GIGYF2: variants seen among roughly 807,000 people sequenced by gnomAD.
The protein encoded by GIGYF2 is GRB10-interacting GYF protein 2.
Under a neutral mutation model 208.1 loss-of-function variants are expected in GIGYF2, and 25 were observed. That is an observed-to-expected ratio of 0.12 (90% CI 0.09 to 0.17). The LOEUF (loss-of-function observed/expected upper bound fraction) is 0.17, where lower values mean the gene tolerates loss of function less well. Ranked by LOEUF, GIGYF2 falls within the 10% of genes least tolerant of loss-of-function variation. The probability of loss-of-function intolerance (pLI) is 1.00; values close to 1 mark genes in which losing one functional copy is unlikely to be tolerated. For synonymous variants in GIGYF2, 534 were observed against 543.8 expected (o/e 0.98, Z 0.25); for missense variants, 1,302 against 1,579.4 (o/e 0.82, Z 2.98).
At chr2:232,738,174 C>G (rs1399180265) in intron 3 of GIGYF2, among the ~76,000 whole-genome samples, 1 of 152,092 alleles carries the variant, frequency 6.6e-6, no homozygotes, top group African/African-American at 2.4e-5. Flanking sequence ...ACCTTGTCCT[C>G]CCAAAGTGCT....
intron 2 of GIGYF2, among the ~76,000 whole-genome samples, chr2:232,717,474 C>T (rs1696740665): frequency 6.6e-6 from 1 of 152,174 alleles, no homozygotes; most frequent in African/African-American, 2.4e-5. Context: ...CTCCAATTCC[C>T]TCTCCTTCCT....
Position 232,836,278 on chromosome 2 carries a change from AT to A in GIGYF2, c.2766+3186del, listed in dbSNP as rs1389120368. 1.4e-3 allele frequency among the ~76,000 whole-genome samples: 9 copies of A among 6,216 alleles called. 1 individual carries two copies. Among genetic ancestry groups the A allele is most frequent in the East Asian group, 4.9e-3 (6 of 1,228 alleles). The allele number at this position is 6,216 out of a possible 152,430, so 4.1% of individuals were successfully genotyped here. On this transcript the variant is annotated intron_variant, in intron 22 of 28. Transcript: ENST00000373563. ...CCCATCTCTACATATATATATATAT[AT>A]ATATATATATATATATATATATATA... is the stretch of plus-strand genomic sequence containing the variant.
At chr2:232,746,555 C>T (rs941458610) in intron 3 of GIGYF2, among the ~76,000 whole-genome samples, 1 of 152,064 alleles carries the variant, frequency 6.6e-6, no homozygotes, top group African/African-American at 2.4e-5. Flanking sequence ...GAATCTTACT[C>T]GCCATTTTTT....
In GIGYF2 at chr2:232,760,615, T is replaced by A. The variant is rs575759510; in HGVS notation, c.491+24T>A. 1.6e-5 allele frequency: 24 copies of A among 1,467,948 alleles called. No individual in the cohort carries two copies. The East Asian group carries it at 5.4e-4, about 33-fold the overall frequency. 90.9% of individuals were successfully genotyped at this position (1,467,948 alleles called of 1,614,324 possible). On this transcript the variant is annotated intron_variant, in intron 7 of 28. Coordinates refer to ENST00000373563, the MANE Select transcript of GIGYF2 (RefSeq NM_001103146.3). ...AGGTAACTGGATCCACATATTGGCA[T>A]AAAAATTTCTTGGCATATAAAACTT...
intron 22 of GIGYF2, among the ~76,000 whole-genome samples, chr2:232,834,458 A>T (rs1031676638): frequency 1.3e-5 from 2 of 152,210 alleles, no homozygotes; most frequent in African/African-American, 2.4e-5. Flanking sequence ...AGGCTTCTTG[A>T]AAAAAGGTAA....
intron 5 of GIGYF2, among the ~76,000 whole-genome samples, chr2:232,755,849 A>G (rs879350715): frequency 2.0e-5 from 3 of 152,204 alleles, no homozygotes; most frequent in Non-Finnish European, 2.9e-5. Flanking sequence ...AAAGGCTTAC[A>G]GGACCCTTTC....
intron 8 of GIGYF2, among the ~76,000 whole-genome samples, chr2:232,778,142 T>C (rs772038732): frequency 6.6e-6 from 1 of 151,942 alleles, no homozygotes; most frequent in Non-Finnish European, 1.5e-5. Context: ...TGCTGTGTTG[T>C]CTAGGCTGGT....
intron 2 of GIGYF2, among the ~76,000 whole-genome samples, chr2:232,725,746 G>A (rs1422530318): frequency 3.3e-5 from 5 of 152,270 alleles, no homozygotes; most frequent in South Asian, 4.1e-4. Flanking sequence ...TTAGACTGGC[G>A]CCTTGAGGGC....
At chr2:232,782,268 G>A (rs1234938924) in intron 8 of GIGYF2, among the ~76,000 whole-genome samples, 3 of 151,902 alleles carry the variant, frequency 2.0e-5, no homozygotes, top group African/African-American at 7.3e-5. Context: ...TCACCATGTT[G>A]CCCAGTCTGG....
intron 2 of GIGYF2, among the ~76,000 whole-genome samples, chr2:232,721,153 C>T (rs1219852812): frequency 6.6e-6 from 1 of 152,196 alleles, no homozygotes; most frequent in Non-Finnish European, 1.5e-5. Flanking sequence ...GGTTTGAGTG[C>T]CCCTGTCTTT....
At chr2:232,770,800 G>A in intron 8 of GIGYF2, 1 of 782,980 alleles carries the variant, frequency 1.3e-6, no homozygotes, top group Non-Finnish European at 2.1e-6. Context: ...AAATTATTCT[G>A]TAACAGCATT....
At chr2:232,704,710 T>G (rs1484387056) in intron 2 of GIGYF2, among the ~76,000 whole-genome samples, 1 of 151,738 alleles carries the variant, frequency 6.6e-6, no homozygotes, top group African/African-American at 2.4e-5. Context: ...TTAGTGCAGT[T>G]TTTAAACGAA....
chr2:232,771,503 T>C (rs555846450), intron 8 of GIGYF2: 1 of 591,684 alleles, frequency 1.7e-6, no homozygotes, highest in Middle Eastern at 4.5e-4. Context: ...GCCAACTCTC[T>C]CGCTTTTCTC....
At chr2:232,838,867 A>T (rs1398849356) in intron 22 of GIGYF2, among the ~76,000 whole-genome samples, 2 of 150,624 alleles carry the variant, frequency 1.3e-5, no homozygotes, top group Non-Finnish European at 2.9e-5. Context: ...ATTGTCTGTC[A>T]TATTGGCTAA....
In GIGYF2 at chr2:232,749,061, A is replaced by T. The variant is rs1242599177; in HGVS notation, c.246A>T (p.Val82=). 1 of 1,583,464 alleles carries T rather than the reference A, an allele frequency of 6.3e-7. No individual in the cohort carries two copies. The highest frequency in any genetic ancestry group is 8.7e-7 in the Non-Finnish European group (1 of 1,152,094). Residue 82 remains valine, a synonymous_variant, in exon 5 of 29, where the codon GTA becomes GTT. Transcript: ENST00000373563. ...AACCCCTTCCACCATTGGCTCTGGT[A>T]CCCTTTACAGAAGAAGAACAGGTTT... The part of the protein sequence containing the change: ...QEEPLPPLAL[V]PFTEEEQRNF...
intron 8 of GIGYF2, among the ~76,000 whole-genome samples, chr2:232,775,480 G>C (rs184630975): frequency 6.6e-6 from 1 of 152,094 alleles, no homozygotes; most frequent in Non-Finnish European, 1.5e-5. Context: ...ATGTCTGCTC[G>C]TATGGTTTAA....
intron 14 of GIGYF2, among the ~76,000 whole-genome samples, chr2:232,804,220 C>T (rs1228158714): frequency 6.6e-6 from 1 of 152,080 alleles, no homozygotes; most frequent in Non-Finnish European, 1.5e-5. Flanking sequence ...TGTTAAACCT[C>T]TCTATCAGTT....
chr2:232,858,623 TTCTA>T lies in GIGYF2; in HGVS notation c.*1767_*1770del. The stretch of plus-strand genomic sequence containing the variant: ...AGAACTTAAATAAAATCTGATTGTA[TTCTA>T]TCTGAGTGCACCTCTTGTACTCACC... On this transcript the variant is annotated 3_prime_UTR_variant, in exon 29 of 29. Transcript: ENST00000373563. 2.2e-6 allele frequency: 1 copy of T among 453,494 alleles called. No homozygotes were observed. Among genetic ancestry groups the T allele is most frequent in the Non-Finnish European group, 4.4e-6 (1 of 226,124 alleles). 28.1% of individuals were successfully genotyped at this position (453,494 alleles called of 1,614,324 possible).
chr2:232,769,518 A>T, intron 8 of GIGYF2, among the ~76,000 whole-genome samples: 1 of 151,830 alleles, frequency 6.6e-6, no homozygotes. Flanking sequence ...AAAAAAAAAA[A>T]AAAAAAAAAG....
Sources: allele counts gnomAD v4.1 joint callset (sites outside exome capture counted in the v4.1 genomes callset), GRCh38; gene constraint gnomAD v4.1.1; transcripts MANE v1.5; gene names NCBI Gene and HGNC (gene_info 2026-07-23, HGNC 2026-07-21).